DPP10: variants seen among roughly 807,000 people sequenced by gnomAD.
The protein encoded by DPP10 is dipeptidyl peptidase like 10.
DPP10 carries 33 observed loss-of-function variants against 120.9 expected under a neutral mutation model. The observed-to-expected ratio is 0.27, with a 90% CI of 0.21 to 0.37. The LOEUF (loss-of-function observed/expected upper bound fraction) is 0.37. Ranked by LOEUF, DPP10 falls within the 10% of genes least tolerant of loss-of-function variation. DPP10 has a pLI of 1.00. For synonymous variants in DPP10, 337 were observed against 326.1 expected (o/e 1.03, Z -0.36); for missense variants, 816 against 942.8 (o/e 0.87, Z 1.76).
chr2:115,423,114 T>C (rs1233782615), intron 3 of DPP10, among the ~76,000 whole-genome samples: 1 of 152,054 alleles, frequency 6.6e-6, no homozygotes, highest in Non-Finnish European at 1.5e-5. Context: ...ACATATTTAA[T>C]ATATTTAATG....
At chr2:114,774,833 G>A (rs1013592629) in intron 1 of DPP10, among the ~76,000 whole-genome samples, 2 of 151,510 alleles carry the variant, frequency 1.3e-5, no homozygotes, top group South Asian at 2.1e-4. Context: ...ATTCAGTTAC[G>A]TCTTTGACCT....
chr2:114,961,525 G>A (rs982727015), intron 1 of DPP10, among the ~76,000 whole-genome samples: 1 of 151,714 alleles, frequency 6.6e-6, no homozygotes, highest in Admixed American at 6.6e-5. Context: ...ATAATTAAAG[G>A]TATCTTATGA....
chr2:114,983,280 C>T lies in DPP10; in HGVS notation c.61-325959C>T, dbSNP rs1420159751. Among the ~76,000 whole-genome samples, 3 of 152,234 alleles carry T rather than the reference C, an allele frequency of 2.0e-5. No individual in the cohort carries two copies. In the East Asian group the frequency reaches 5.8e-4, roughly 29 times the overall value. ...GTTACATTTGTTGAAAAGTTTGACA[C>T]ATTCTAGATGCTTTATATTTAAGAC... On this transcript the variant is annotated intron_variant, in intron 1 of 25. Coordinates refer to ENST00000410059, the MANE Select transcript of DPP10 (RefSeq NM_020868.6).
intron 1 of DPP10, among the ~76,000 whole-genome samples, chr2:114,555,639 GC>G (rs1282899464): frequency 1.3e-5 from 2 of 152,100 alleles, no homozygotes; most frequent in South Asian, 2.1e-4. Context: ...AAACCAAACA[GC>G]CCCATACACA....
intron 1 of DPP10, among the ~76,000 whole-genome samples, chr2:115,192,406 T>C (rs892531981): frequency 7.9e-5 from 12 of 152,200 alleles, no homozygotes; most frequent in African/African-American, 2.9e-4. Flanking sequence ...CTGTAACCAT[T>C]TGGCCAGGGT....
chr2:114,456,098 T>C (rs6737251), intron 1 of DPP10, among the ~76,000 whole-genome samples: 102,443 of 152,008 alleles, frequency 0.67, 34,706 homozygotes, highest in East Asian at 0.72. Context: ...CACGTTTTCA[T>C]GGTCATCACC....
chr2:114,891,933 A>ATGTC (rs140250017), intron 1 of DPP10, among the ~76,000 whole-genome samples: 27 of 152,080 alleles, frequency 1.8e-4, no homozygotes, highest in South Asian at 4.2e-4. Flanking sequence ...CATGCTGAGG[A>ATGTC]TGTCTGTCTG....
chr2:115,390,495 CT>C (rs1204226158), intron 3 of DPP10, among the ~76,000 whole-genome samples: 4 of 151,906 alleles, frequency 2.6e-5, no homozygotes, highest in Non-Finnish European at 2.9e-5. Context: ...CCATCTTGCT[CT>C]TTTTTTTATT....
intron 1 of DPP10, among the ~76,000 whole-genome samples, chr2:114,477,926 T>C (rs146147828): frequency 0.023 from 3,436 of 150,272 alleles, 134 homozygotes; most frequent in African/African-American, 0.079. Flanking sequence ...TGTGTATATA[T>C]GTACATATGT....
Position 114,608,029 on chromosome 2 carries a change from T to A in DPP10, c.60+165191T>A, listed in dbSNP as rs1692956630. Among the ~76,000 whole-genome samples the A allele has an allele frequency of 2.0e-5, 3 of 152,316 alleles. No homozygotes were observed. The South Asian group carries it at 6.2e-4, about 32-fold the overall frequency. Reference sequence around the variant, plus strand: ...AGGTTTTCATCCACTTTCCATCTCATTAGGCTTTCAGCCATCCCTGCAAAT... The same window carrying A: ...AGGTTTTCATCCACTTTCCATCTCAATAGGCTTTCAGCCATCCCTGCAAAT... On this transcript the variant is annotated intron_variant, in intron 1 of 25. Transcript: ENST00000410059.
At chr2:115,135,194 C>G (rs1455266211) in intron 1 of DPP10, among the ~76,000 whole-genome samples, 1 of 151,526 alleles carries the variant, frequency 6.6e-6, no homozygotes. Flanking sequence ...TAGGAGCATA[C>G]TTTAGGGTTG....
chr2:115,343,183 T>C (rs1338840123), intron 2 of DPP10, among the ~76,000 whole-genome samples: 3 of 152,234 alleles, frequency 2.0e-5, no homozygotes, highest in African/African-American at 7.2e-5. Context: ...TTTTGGAATG[T>C]AGAAAGAGGA....
At chr2:115,762,467 T>C (rs1042251250) in intron 11 of DPP10, 105 bp from the exon 12 acceptor site, 1 of 1,123,592 alleles carries the variant, frequency 8.9e-7, no homozygotes, top group African/African-American at 1.5e-5. Context: ...TTTCACCAGT[T>C]GAAGAGAGGG....
intron 1 of DPP10, among the ~76,000 whole-genome samples, chr2:115,012,643 T>C (rs1355254958): frequency 6.6e-6 from 1 of 152,102 alleles, no homozygotes; most frequent in East Asian, 1.9e-4. Context: ...GGGAGAACAC[T>C]ACATCAAGGG....
intron 3 of DPP10, among the ~76,000 whole-genome samples, chr2:115,404,359 A>G (rs2068348661): frequency 6.6e-6 from 1 of 152,204 alleles, no homozygotes; most frequent in Non-Finnish European, 1.5e-5. Context: ...ATCTGTTCCC[A>G]TAATTCAATC....
intron 5 of DPP10, among the ~76,000 whole-genome samples, chr2:115,642,122 T>A (rs888008014): frequency 2.0e-5 from 3 of 152,158 alleles, no homozygotes; most frequent in African/African-American, 7.2e-5. Flanking sequence ...ACCATCCAAA[T>A]ATGGTTTCTA....
intron 3 of DPP10, among the ~76,000 whole-genome samples, chr2:115,423,575 T>C (rs1028686863): frequency 6.6e-6 from 1 of 152,094 alleles, no homozygotes; most frequent in African/African-American, 2.4e-5. Context: ...AAGAACGGCT[T>C]TGCCTGGGAC....
At chr2:115,632,887 T>C (rs1228759653) in intron 5 of DPP10, among the ~76,000 whole-genome samples, 1 of 152,096 alleles carries the variant, frequency 6.6e-6, no homozygotes, top group Admixed American at 6.6e-5. Context: ...TGAGATACCA[T>C]CTCACACCAG....
At chr2:115,601,995 C>A (rs1042536059) in intron 5 of DPP10, among the ~76,000 whole-genome samples, 1 of 152,110 alleles carries the variant, frequency 6.6e-6, no homozygotes, top group Non-Finnish European at 1.5e-5. Context: ...GTGTAACTTT[C>A]AACAACTCAT....
Sources: allele counts gnomAD v4.1 joint callset (sites outside exome capture counted in the v4.1 genomes callset), GRCh38; gene constraint gnomAD v4.1.1; transcripts MANE v1.5; gene names NCBI Gene and HGNC (gene_info 2026-07-23, HGNC 2026-07-21).